Variants in NRG1 observed in about 807,000 individuals in gnomAD.
The protein encoded by NRG1 is pro-neuregulin-1, membrane-bound isoform.
NRG1 carries 18 observed loss-of-function variants against 63.8 expected under a neutral mutation model. The ratio of observed to expected loss-of-function variants is 0.28; its 90% CI spans 0.19 to 0.42. The LOEUF (loss-of-function observed/expected upper bound fraction) is 0.42. Ranked by LOEUF, NRG1 falls within the 10% of genes least tolerant of loss-of-function variation. The pLI is 1.00. For missense variants in NRG1, 762 were observed against 814.7 expected (o/e 0.94, Z 0.79); for synonymous variants, 302 against 301.3 (o/e 1.00, Z -0.02).
At chr8:31,889,613 A>G (rs1305992434) in intron 1 of NRG1, among the ~76,000 whole-genome samples, 1 of 152,156 alleles carries the variant, frequency 6.6e-6, no homozygotes, top group Non-Finnish European at 1.5e-5. Flanking sequence ...AGACAAACAG[A>G]AAGTGAGGTG....
intron 1 of NRG1, among the ~76,000 whole-genome samples, chr8:32,253,658 T>C (rs1186177044): frequency 1.3e-5 from 2 of 152,176 alleles, no homozygotes; most frequent in Non-Finnish European, 2.9e-5. Flanking sequence ...TTTTCTTTTT[T>C]TGTTTTGCCT....
chr8:31,847,171 T>C (rs1030495154), intron 1 of NRG1, among the ~76,000 whole-genome samples: 3 of 152,240 alleles, frequency 2.0e-5, no homozygotes, highest in African/African-American at 7.2e-5. Context: ...AAATTGCATC[T>C]CATTGGTGTT....
chr8:32,526,589 T>C (rs919730679), intron 1 of NRG1, among the ~76,000 whole-genome samples: 2 of 152,008 alleles, frequency 1.3e-5, no homozygotes, highest in Non-Finnish European at 2.9e-5. Flanking sequence ...AACACATGGG[T>C]CCAAGTCTCT....
In NRG1 at chr8:32,251,198, C is replaced by A. The variant is rs531749697; in HGVS notation, c.38-344630C>A. 2.0e-5 allele frequency among the ~76,000 whole-genome samples: 3 copies of A among 152,034 alleles called. No homozygotes were observed. The East Asian group carries it at 5.8e-4, about 29-fold the overall frequency. ...CATTAGGTATTTCTCCTAATGCTAT[C>A]CCTCCCCGCTCCCCCCACCCCACAA... is the stretch of plus-strand genomic sequence containing the variant. On this transcript the variant is annotated intron_variant, in intron 1 of 10. Transcript: ENST00000519301.
At chr8:31,787,159 G>A (rs1248751278) in intron 1 of NRG1, among the ~76,000 whole-genome samples, 2 of 152,164 alleles carry the variant, frequency 1.3e-5, no homozygotes, top group Admixed American at 1.3e-4. Flanking sequence ...ATTTCATGAA[G>A]CCTTCTATTT....
At chr8:32,333,186 T>C (rs1046282603) in intron 1 of NRG1, among the ~76,000 whole-genome samples, 4 of 152,228 alleles carry the variant, frequency 2.6e-5, no homozygotes, top group African/African-American at 9.6e-5. Flanking sequence ...CATAGGCTTG[T>C]ATCTCTCATT....
intron 5 of NRG1, among the ~76,000 whole-genome samples, chr8:32,715,367 G>A (rs1818913439): frequency 6.6e-6 from 1 of 152,060 alleles, no homozygotes; most frequent in African/African-American, 2.4e-5. Flanking sequence ...CTTCCCTCAG[G>A]TTTTCAGACT....
rs149230511 is a variant in NRG1 at position 31,927,862 on chromosome 8, T to A, written c.37+288431T>A. Among the ~76,000 whole-genome samples the A allele has an allele frequency of 9.2e-3, 1,390 of 150,360 alleles. 43 individuals carry two copies. The highest frequency in any genetic ancestry group is 0.058 in the Admixed American group (871 of 15,120). The stretch of plus-strand genomic sequence containing the variant: ...TTGAGTATTTCTTTTTTTAAAAAAT[T>A]TTATTATTATTATTATTATAATACT... On this transcript the variant is annotated intron_variant, in intron 1 of 10. Transcript: ENST00000519301.
chr8:32,139,976 T>C (rs1288295978), intron 1 of NRG1, among the ~76,000 whole-genome samples: 2 of 152,160 alleles, frequency 1.3e-5, no homozygotes, highest in Non-Finnish European at 2.9e-5. Context: ...ACTTGAGGAT[T>C]CAGGAGCTAT....
chr8:31,751,524 G>A (rs1332442051), intron 1 of NRG1, among the ~76,000 whole-genome samples: 4 of 151,960 alleles, frequency 2.6e-5, no homozygotes, highest in South Asian at 4.1e-4. Context: ...GCAGGAGCTA[G>A]ATCAGGCAGT....
At chr8:32,365,634 T>A (rs1422173641) in intron 1 of NRG1, among the ~76,000 whole-genome samples, 1 of 152,164 alleles carries the variant, frequency 6.6e-6, no homozygotes, top group Non-Finnish European at 1.5e-5. Context: ...ATAGTAAATA[T>A]TTTAGACTTC....
chr8:32,703,852 C>T (rs896481423), intron 5 of NRG1, among the ~76,000 whole-genome samples: 1 of 152,178 alleles, frequency 6.6e-6, no homozygotes, highest in Non-Finnish European at 1.5e-5. Flanking sequence ...GTATTGGCTT[C>T]ACCAGGGAAA....
intron 1 of NRG1, among the ~76,000 whole-genome samples, chr8:32,348,294 T>A (rs563382157): frequency 6.6e-6 from 1 of 152,322 alleles, no homozygotes; most frequent in East Asian, 1.9e-4. Flanking sequence ...TCCATCTATT[T>A]CCTGGTTATT....
At chr8:32,633,310 T>C (rs557785047) in intron 5 of NRG1, among the ~76,000 whole-genome samples, 1 of 152,350 alleles carries the variant, frequency 6.6e-6, no homozygotes, top group South Asian at 2.1e-4. Context: ...CAGCCTAGTC[T>C]GCTTTTGTGG....
At chr8:32,106,153 G>T (rs983287470) in intron 1 of NRG1, among the ~76,000 whole-genome samples, 4 of 152,306 alleles carry the variant, frequency 2.6e-5, no homozygotes, top group Non-Finnish European at 5.9e-5. Context: ...AACACCTGTG[G>T]AATCTTGCCT....
intron 1 of NRG1, among the ~76,000 whole-genome samples, chr8:32,569,549 G>A (rs1186715237): frequency 1.3e-5 from 2 of 151,942 alleles, no homozygotes; most frequent in African/African-American, 2.4e-5. Context: ...ACTTATACTT[G>A]GTATCTGTCT....
chr8:32,033,827 A>G (rs779098213), intron 1 of NRG1, among the ~76,000 whole-genome samples: 1 of 152,228 alleles, frequency 6.6e-6, no homozygotes, highest in Non-Finnish European at 1.5e-5. Flanking sequence ...GAAGTTGCCT[A>G]TCAGCTTAAG....
At chr8:32,011,369 C>T (rs997559885) in intron 1 of NRG1, among the ~76,000 whole-genome samples, 7 of 152,114 alleles carry the variant, frequency 4.6e-5, no homozygotes, top group South Asian at 2.1e-4. Context: ...ATGTTCAATT[C>T]GCAAAGCAAC....
intron 1 of NRG1, among the ~76,000 whole-genome samples, chr8:32,090,339 T>G (rs548321100): frequency 6.6e-6 from 1 of 152,314 alleles, no homozygotes; most frequent in South Asian, 2.1e-4. Context: ...GGACTAAATT[T>G]TAATATGTCT....
Sources: gnomAD v4.1 joint callset for allele counts (sites outside exome capture counted in the v4.1 genomes callset) on GRCh38, gnomAD v4.1.1 for gene constraint, MANE v1.5 for transcripts, NCBI Gene and HGNC (gene_info 2026-07-23, HGNC 2026-07-21) for gene names.